AVEN: variants seen among roughly 807,000 people sequenced by gnomAD.
AVEN encodes the protein apoptosis and caspase activation inhibitor.
AVEN carries 41 observed loss-of-function variants against 38.1 expected under a neutral mutation model. That is an observed-to-expected ratio of 1.08 (90% CI 0.84 to 1.40). The LOEUF is 1.40. Among genes scored for constraint, AVEN ranks in the 40% most tolerant of loss-of-function variants. The pLI is 0.00. For missense variants in AVEN, 605 were observed against 438.8 expected (o/e 1.38, Z -3.38); for synonymous variants, 206 against 171.8 (o/e 1.20, Z -1.56).
At chr15:33,933,514 CACACACACACAGAGAGAGAGAGAGAGAG>C (rs1893933633) in intron 2 of AVEN, among the ~76,000 whole-genome samples, 1 of 120,544 alleles carries the variant, frequency 8.3e-6, no homozygotes, top group African/African-American at 3.2e-5. Context: ...CACACACACA[CACACACACACAGAGAGAGAGAGAGAGAG>C]AGAGAGAGAG....
At chr15:33,997,916 G>T (rs1897002027) in intron 2 of AVEN, among the ~76,000 whole-genome samples, 1 of 151,940 alleles carries the variant, frequency 6.6e-6, no homozygotes. Flanking sequence ...ACTTCATGTG[G>T]GCCCCTATTG....
chr15:33,903,956 A>T (rs1342307971), intron 2 of AVEN, among the ~76,000 whole-genome samples: 2 of 152,200 alleles, frequency 1.3e-5, no homozygotes, highest in Non-Finnish European at 2.9e-5. Flanking sequence ...TGAATACTGC[A>T]GGCAACTATA....
Position 33,926,896 on chromosome 15 carries a change from C to G in AVEN, c.446-50901G>C, listed in dbSNP as rs534624275. On this transcript the variant is annotated intron_variant, in intron 2 of 5. Coordinates refer to ENST00000306730, the MANE Select transcript of AVEN (RefSeq NM_020371.3). ...TTTCAAACTCCTGACCTCAGGTGGT[C>G]TGCCTGCCTCAGCCTCCCAAATTGC... Among the ~76,000 whole-genome samples, 395 of 152,220 alleles carry G rather than the reference C, an allele frequency of 2.6e-3. 3 individuals are homozygous for G. Among genetic ancestry groups the G allele is most frequent in the African/African-American group, 9.2e-3 (381 of 41,536 alleles).
chr15:33,857,138 C>G (rs2079763077), downstream of AVEN, among the ~76,000 whole-genome samples: 1 of 152,168 alleles, frequency 6.6e-6, no homozygotes, highest in Admixed American at 6.5e-5. Context: ...ATACATTAGT[C>G]TGCTTGGGCT....
downstream of AVEN, among the ~76,000 whole-genome samples, chr15:33,855,214 T>G (rs186806370): frequency 1.6e-4 from 24 of 152,222 alleles, no homozygotes; most frequent in Admixed American, 3.9e-4. Flanking sequence ...CTTTTTTTTT[T>G]TGTGACGGTG....
downstream of AVEN, chr15:33,865,055 C>G: frequency 1.7e-6 from 2 of 1,158,364 alleles, no homozygotes; most frequent in Middle Eastern, 4.2e-4. Flanking sequence ...AAGGGAGCCA[C>G]AAAGAACAAA....
intron 2 of AVEN, among the ~76,000 whole-genome samples, chr15:33,927,090 T>C (rs926246181): frequency 1.3e-5 from 2 of 151,932 alleles, no homozygotes; most frequent in East Asian, 1.9e-4. Context: ...CCATCTCTAC[T>C]AAAAATACAA....
At chr15:33,864,190 G>A (rs1219437484), downstream of AVEN, 2 of 1,609,136 alleles carry the variant, frequency 1.2e-6, no homozygotes, top group Non-Finnish European at 8.5e-7. Context: ...CACGGGTCAG[G>A]TGAGAAATTA....
chr15:33,866,851 G>A lies in AVEN; in HGVS notation c.974-123C>T. On this transcript the variant is annotated intron_variant, in intron 5 of 5. Transcript: ENST00000306730. ...CATTCTCATTATTCTTACTCCCTAA[G>A]ATGATACAGTAATATCTAAACAAAT... is the stretch of plus-strand genomic sequence containing the variant. 4 of 694,856 alleles carry A rather than the reference G, an allele frequency of 5.8e-6. No homozygotes were observed. In the South Asian group the frequency reaches 7.7e-5, roughly 13 times the overall value. The allele number at this position is 694,856 out of a possible 1,614,324, so 43.0% of individuals were successfully genotyped here. A position where few individuals can be genotyped will look rare whatever the true frequency, so the allele number is the denominator to read the frequency against.
At chr15:33,852,881 G>A in the AVEN span, 1 of 631,720 alleles carries the variant, frequency 1.6e-6, no homozygotes, top group Non-Finnish European at 2.8e-6. Flanking sequence ...TGACTCAGTA[G>A]AGCCTGTGAT....
At chr15:33,906,197 G>A (rs1414518048) in intron 2 of AVEN, among the ~76,000 whole-genome samples, 1 of 152,156 alleles carries the variant, frequency 6.6e-6, no homozygotes, top group Admixed American at 6.5e-5. Context: ...GGAATGGGTG[G>A]AGGGAGGGAG....
At chr15:34,025,442 TG>T (rs1432877321) in intron 1 of AVEN, among the ~76,000 whole-genome samples, 1 of 151,616 alleles carries the variant, frequency 6.6e-6, no homozygotes, top group Non-Finnish European at 1.5e-5. Flanking sequence ...TAGACTAGAG[TG>T]GTTAGGATGC....
At chr15:33,873,669 G>T (rs1182927216) in intron 3 of AVEN, among the ~76,000 whole-genome samples, 3 of 151,488 alleles carry the variant, frequency 2.0e-5, no homozygotes, top group Admixed American at 6.6e-5. Context: ...AGTTAAGTCA[G>T]ACAGGAAATC....
rs1208478036 is a variant in AVEN, at chr15:33,900,307, CA to C, written c.446-24313del. ...GAAAGTGGATAGAGTTTTGGGAGAA[CA>C]TTTTTTTTTTTTTTTTTGAGACAAA... On this transcript the variant is annotated intron_variant, in intron 2 of 5. Coordinates refer to ENST00000306730, the MANE Select transcript of AVEN (RefSeq NM_020371.3). Among the ~76,000 whole-genome samples, 11 of 68,896 alleles carry C rather than the reference CA, an allele frequency of 1.6e-4. 1 individual carries two copies. Among genetic ancestry groups the C allele is most frequent in the East Asian group, 3.4e-4 (1 of 2,956 alleles). 45.2% of individuals were successfully genotyped at this position (68,896 alleles called of 152,430 possible).
At chr15:33,864,330 A>C (rs1313345559), downstream of AVEN, 3 of 646,554 alleles carry the variant, frequency 4.6e-6, no homozygotes, top group Non-Finnish European at 7.9e-6. Flanking sequence ...TTTGTGACTC[A>C]ATAAGAAGCC....
intron 2 of AVEN, among the ~76,000 whole-genome samples, chr15:33,981,896 G>A (rs757050488): frequency 3.3e-5 from 5 of 152,104 alleles, no homozygotes; most frequent in South Asian, 4.2e-4. Flanking sequence ...GTGCAGTGGC[G>A]CGATCTTGGC....
intron 1 of AVEN, among the ~76,000 whole-genome samples, chr15:34,004,001 CTG>C (rs944363250): frequency 5.9e-5 from 9 of 152,196 alleles, no homozygotes; most frequent in Admixed American, 5.9e-4. Context: ...TGATAGCCTT[CTG>C]TGAGTGCCCT....
chr15:33,865,350 ACTGCTG>A, downstream of AVEN: 2 of 685,486 alleles, frequency 2.9e-6, no homozygotes, highest in Non-Finnish European at 4.9e-6. Context: ...TAAAAAAAAA[ACTGCTG>A]AAAATCTGTG....
chr15:33,973,008 T>C (rs2140500463), intron 2 of AVEN, among the ~76,000 whole-genome samples: 1 of 152,362 alleles, frequency 6.6e-6, no homozygotes, highest in East Asian at 1.9e-4. Flanking sequence ...TTCAGTCCTA[T>C]GTACTGGTTC....
Sources: gnomAD v4.1 joint callset for allele counts (sites outside exome capture counted in the v4.1 genomes callset) on GRCh38, gnomAD v4.1.1 for gene constraint, MANE v1.5 for transcripts, NCBI Gene and HGNC (gene_info 2026-07-23, HGNC 2026-07-21) for gene names.